Variants in ARHGAP30 observed in about 807,000 individuals in gnomAD.
The protein encoded by ARHGAP30 is Rho GTPase activating protein 30, also known as rho GTPase-activating protein 30.
Under a neutral mutation model 72.0 loss-of-function variants are expected in ARHGAP30, and 23 were observed. The observed-to-expected ratio is 0.32, with a 90% CI of 0.23 to 0.45. The LOEUF is 0.45. Among genes scored for constraint, ARHGAP30 ranks in the 20% least tolerant of loss-of-function variants. The probability of loss-of-function intolerance (pLI) is 1.00; values close to 1 mark genes in which losing one functional copy is unlikely to be tolerated. For synonymous variants in ARHGAP30, 576 were observed against 528.2 expected (o/e 1.09, Z -1.24); for missense variants, 1,319 against 1,383.4 (o/e 0.95, Z 0.74).
chr1:161,060,176 G>A (rs1048180448), intron 1 of ARHGAP30: 1 of 445,652 alleles, frequency 2.2e-6, no homozygotes, highest in African/African-American at 2.0e-5. Flanking sequence ...AGCTACTCAG[G>A]AGGCTGATAT....
At position 161,052,433 on chromosome 1, in the gene ARHGAP30, G is replaced by A; in HGVS notation, c.940+7C>T. ...CAGCAGAGCTCCCCCCATCTCCCCA[G>A]ACTTACCCCTGTCCTCAGCCCCCCG... On this transcript the variant is annotated splice_region_variant and intron_variant, in intron 8 of 11. Coordinates refer to ENST00000368013, the MANE Select transcript of ARHGAP30 (RefSeq NM_001025598.2). 3 of 1,613,248 alleles carry A rather than the reference G, an allele frequency of 1.9e-6. No homozygotes were observed. The highest frequency in any genetic ancestry group is 2.5e-6 in the Non-Finnish European group (3 of 1,179,886).
chr1:161,051,226 C>T, intron 10 of ARHGAP30, 88 bp downstream of exon 10: 1 of 1,493,480 alleles, frequency 6.7e-7, no homozygotes, highest in South Asian at 1.4e-5. Flanking sequence ...AGGCCTCTGC[C>T]CTTCCTAGGG....
intron 10 of ARHGAP30, 121 bp from the exon 11 acceptor site, chr1:161,049,810 C>G (rs1475145055): frequency 1.5e-6 from 2 of 1,321,666 alleles, no homozygotes; most frequent in African/African-American, 1.5e-5. Context: ...CTCTGCATGA[C>G]TGATCCTTTC....
chr1:161,055,071 G>A (rs1034272352), intron 3 of ARHGAP30, among the ~76,000 whole-genome samples: 3 of 152,138 alleles, frequency 2.0e-5, no homozygotes, highest in African/African-American at 7.2e-5. Flanking sequence ...CAACCTAGCC[G>A]GTGTGGACTG....
chr1:161,068,174 T>C (rs543381912), intron 1 of ARHGAP30, among the ~76,000 whole-genome samples: 2 of 152,178 alleles, frequency 1.3e-5, no homozygotes, highest in Non-Finnish European at 2.9e-5. Flanking sequence ...AGGGTTTGCA[T>C]TGAGCTGGGA....
In ARHGAP30 at chr1:161,047,950, C is replaced by A. The variant is rs774930122; in HGVS notation, c.3071G>T (p.Gly1024Val). The change falls in exon 12 of 12, where the codon GGT (glycine) becomes GTT (valine). Residue 1024 changes from glycine (G) to valine (V), a missense_variant. Gly to Val is a moderately radical substitution (Grantham distance 109, BLOSUM62 -3). Around this residue, in one of 2 missense-constraint regions of ARHGAP30, gnomAD observed 1,097 missense variants for 1,045.2 expected, o/e 1.05. Coordinates refer to ENST00000368013, the MANE Select transcript of ARHGAP30 (RefSeq NM_001025598.2). ...TCTGGGGATGAGGCAGTAATCCCCA[C>A]CCTCAGTACAGGTCTGGGTTCGCCG... ...GVRRTQTCTEGGDYCLIPRTS... is the reference protein window; with the variant it reads ...GVRRTQTCTEVGDYCLIPRTS... 6 of 1,613,838 alleles carry A rather than the reference C, an allele frequency of 3.7e-6. No homozygotes were observed. The highest frequency in any genetic ancestry group is 5.1e-6 in the Non-Finnish European group (6 of 1,179,974).
Position 161,069,403 on chromosome 1 carries a change from T to C in ARHGAP30, c.97+125A>G. On this transcript the variant is annotated intron_variant, in intron 1 of 11. Coordinates refer to ENST00000368013, the MANE Select transcript of ARHGAP30 (RefSeq NM_001025598.2). The surrounding 1 kb of genome is among the most constrained non-coding windows in gnomAD (Gnocchi z 4.9). ...GCCCACTTACAGTTCTCTTGAATGGTGACCCCAGGCCACTGCCCCTTCCCC... is the reference window on the plus strand; with the variant it reads ...GCCCACTTACAGTTCTCTTGAATGGCGACCCCAGGCCACTGCCCCTTCCCC... The C allele has an allele frequency of 1.1e-6, 1 of 895,372 alleles. No individual in the cohort carries two copies. The highest frequency in any genetic ancestry group is 1.7e-5 in the African/African-American group (1 of 60,088). The allele number at this position is 895,372 out of a possible 1,614,324, so 55.5% of individuals were successfully genotyped here.
intron 2 of ARHGAP30, 57 bp downstream of exon 2, chr1:161,059,557 G>GACA: frequency 6.8e-7 from 1 of 1,467,246 alleles, no homozygotes; most frequent in Non-Finnish European, 9.4e-7. Flanking sequence ...CTCTTACTGT[G>GACA]ACCTTCTGGC....
intron 2 of ARHGAP30, among the ~76,000 whole-genome samples, chr1:161,056,844 A>G (rs1244857440): frequency 6.6e-6 from 1 of 152,188 alleles, no homozygotes; most frequent in East Asian, 1.9e-4. Context: ...GTATGGTCCT[A>G]AATCTGTGCC....
At position 161,052,959 on chromosome 1, in the gene ARHGAP30, T is replaced by C; in HGVS notation, c.665-162A>G. The C allele has an allele frequency of 3.0e-6, 3 of 1,000,024 alleles. No homozygotes were observed. The South Asian group carries it at 5.1e-5, about 17-fold the overall frequency. 61.9% of individuals were successfully genotyped at this position (1,000,024 alleles called of 1,614,324 possible). ...CCATCACCTCAAAAGAGTGCCCTCA[T>C]GGACAAAGAGGGCTGGGAGATCCGA... On this transcript the variant is annotated intron_variant, in intron 6 of 11. Coordinates refer to ENST00000368013, the MANE Select transcript of ARHGAP30 (RefSeq NM_001025598.2).
Position 161,051,331 on chromosome 1 carries a change from AGGCCAGGGCCAG to A in ARHGAP30, c.1391_1402del (p.Pro464_Gly467del), listed in dbSNP as rs763044183. On this transcript the variant is annotated inframe_deletion, in exon 10 of 12. Transcript: ENST00000368013. ...GTCCTCACCTGGGGGGCCAGGGCCA[AGGCCAGGGCCAG>A]GGCCAGGGCCAGAGGCAGGGCTTGG... is the stretch of plus-strand genomic sequence containing the variant. 1.0e-4 allele frequency: 165 copies of A among 1,603,134 alleles called. No individual in the cohort carries two copies. The highest frequency in any genetic ancestry group is 1.4e-4 in the Admixed American group (8 of 59,222).
rs903282972 is a variant in ARHGAP30, at chr1:161,051,371, G to A, written c.1363C>T (p.Arg455Trp). Residue 455 changes from arginine (R) to tryptophan (W), a missense_variant, in exon 10 of 12, where the codon CGG (arginine) becomes TGG (tryptophan). Around this residue, in one of 2 missense-constraint regions of ARHGAP30, gnomAD observed 1,097 missense variants for 1,045.2 expected, o/e 1.05. Coordinates refer to ENST00000368013, the MANE Select transcript of ARHGAP30 (RefSeq NM_001025598.2). ...RGLECPALQHRPSPASGPGPG... is the reference protein window; with the variant it reads ...RGLECPALQHWPSPASGPGPG... ...CCAGGGCCAGAGGCAGGGCTTGGCC[G>A]GTGCTGTAGAGCAGGGCACTCAAGG... The A allele has an allele frequency of 1.5e-5, 24 of 1,613,248 alleles. No homozygotes were observed. The highest frequency in any genetic ancestry group is 2.2e-5 in the East Asian group (1 of 44,896).
chr1:161,053,461 ATTCTCT>A, intron 5 of ARHGAP30, 76 bp from the exon 6 acceptor site: 8 of 805,608 alleles, frequency 9.9e-6, no homozygotes, highest in East Asian at 3.4e-5. Flanking sequence ...AAAATACCTT[ATTCTCT>A]CTCTCTCTCT....
chr1:161,064,271 G>A (rs188087516), intron 1 of ARHGAP30, among the ~76,000 whole-genome samples: 34 of 152,296 alleles, frequency 2.2e-4, no homozygotes, highest in African/African-American at 7.0e-4. Flanking sequence ...CAAGCCAGCC[G>A]ACGCTTAGGA....
chr1:161,057,701 C>A (rs1211425941), intron 2 of ARHGAP30, among the ~76,000 whole-genome samples: 2 of 152,070 alleles, frequency 1.3e-5, no homozygotes, highest in Non-Finnish European at 2.9e-5. Flanking sequence ...TATCAGTTTA[C>A]ATTTACAGGG....
At position 161,047,765 on chromosome 1, in the gene ARHGAP30, A is replaced by T. The variant is rs745557256; in HGVS notation, c.3256T>A (p.Ser1086Thr). 4 of 1,565,308 alleles carry T rather than the reference A, an allele frequency of 2.6e-6. No individual in the cohort carries two copies. The highest frequency in any genetic ancestry group is 3.4e-6 in the Non-Finnish European group (4 of 1,159,774). Residue 1086 changes from serine (S) to threonine (T), a missense_variant, in exon 12 of 12, where the codon TCA (serine) becomes ACA (threonine). Physicochemically the swap from Ser to Thr is moderately conservative, Grantham distance 58 (BLOSUM62 1). Around this residue, in one of 2 missense-constraint regions of ARHGAP30, gnomAD observed 1,097 missense variants for 1,045.2 expected, o/e 1.05. Coordinates refer to ENST00000368013, the MANE Select transcript of ARHGAP30 (RefSeq NM_001025598.2). ...TTAGCCTGTGTTTCAAATGCATATG[A>T]CCTGCGCTGAGAGGACAACAGGGGG... is the stretch of plus-strand genomic sequence containing the variant. ...PDPLLSSQRR[S>T]YAFETQANPG...
chr1:161,066,636 C>A (rs1652793857), intron 1 of ARHGAP30, among the ~76,000 whole-genome samples: 1 of 90,760 alleles, frequency 1.1e-5, no homozygotes, highest in Non-Finnish European at 2.0e-5. Context: ...CAGAGCAAGA[C>A]TGCATCTCAA....
rs1200533276 is a variant in ARHGAP30 at position 161,046,992 on chromosome 1, G to C, written c.*723C>G. 2.1e-6 allele frequency: 1 copy of C among 470,262 alleles called. No homozygotes were observed. The highest frequency in any genetic ancestry group is 4.4e-6 in the Non-Finnish European group (1 of 226,802). 29.1% of individuals were successfully genotyped at this position (470,262 alleles called of 1,614,324 possible). On this transcript the variant is annotated 3_prime_UTR_variant, in exon 12 of 12. Transcript: ENST00000368013. Reference sequence around the variant, plus strand: ...CTGAGACATTGACCTTCACTAGAGTGGGACCTGTGGCCCCAGCCTGGCTGG... The same window carrying C: ...CTGAGACATTGACCTTCACTAGAGTCGGACCTGTGGCCCCAGCCTGGCTGG...
intron 1 of ARHGAP30, among the ~76,000 whole-genome samples, chr1:161,063,330 T>G (rs1652460629): frequency 6.6e-6 from 1 of 152,208 alleles, no homozygotes; most frequent in African/African-American, 2.4e-5. Flanking sequence ...TTGTGAAGAT[T>G]TTATGGACAT....
Sources: gnomAD v4.1 joint callset for allele counts (sites outside exome capture counted in the v4.1 genomes callset) on GRCh38, gnomAD v4.1.1 for gene constraint, gnomAD v4.1.1 regional missense constraint, Gnocchi (gnomAD v3.1) non-coding constraint, MANE v1.5 for transcripts, NCBI Gene and HGNC (gene_info 2026-07-23, HGNC 2026-07-21) for gene names.